LPL: variants seen among roughly 807,000 people sequenced by gnomAD.
LPL encodes the protein lipoprotein lipase.
In LPL, 43 loss-of-function variants were observed where a neutral mutation model predicts 52.2. The ratio of observed to expected loss-of-function variants is 0.82; its 90% CI spans 0.64 to 1.06. LPL has a LOEUF of 1.06. LPL is among the 50% of genes least tolerant of loss of function. The pLI is 0.00. For missense variants in LPL, 639 were observed against 585.3 expected (o/e 1.09, Z -0.95); for synonymous variants, 244 against 215.6 (o/e 1.13, Z -1.15).
intron 4 of LPL, 108 bp from the exon 5 acceptor site, chr8:19,954,012 A>C (rs923203060): frequency 6.8e-5 from 54 of 798,350 alleles, no homozygotes; most frequent in Non-Finnish European, 1.0e-4. Context: ...ATAGGAGCTA[A>C]TAAGAATCTA....
Position 19,939,423 on chromosome 8 carries a change from AG to A in LPL, c.-17del. On this transcript the variant is annotated 5_prime_UTR_variant, in exon 1 of 10. Transcript: ENST00000650287. The surrounding 1 kb of genome is among the most constrained non-coding windows in gnomAD (Gnocchi z 4.0). The stretch of plus-strand genomic sequence containing the variant: ...TCGGTCCGCGCCTTGCAGCTCCTCC[AG>A]AGGGACGCGCCCCGAGATGGAGAGC... The A allele has an allele frequency of 6.3e-7, 1 of 1,599,776 alleles. No homozygotes were observed. The highest frequency in any genetic ancestry group is 1.3e-5 in the African/African-American group (1 of 74,840).
In LPL at chr8:19,954,164, A is replaced by T. The variant is rs1171454451; in HGVS notation, c.586A>T (p.Ser196Cys). The T allele has an allele frequency of 1.2e-6, 2 of 1,614,074 alleles. No homozygotes were observed. Among genetic ancestry groups the T allele is most frequent in the Non-Finnish European group, 1.7e-6 (2 of 1,180,046 alleles). Residue 196 changes from serine (S) to cysteine (C), a missense_variant, in exon 5 of 10, where the codon AGT becomes TGT. By Grantham distance (112) the Ser-to-Cys change is moderately radical. Coordinates refer to ENST00000650287, the MANE Select transcript of LPL (RefSeq NM_000237.3). ...GPNFEYAEAP[S>C]RLSPDDADFV... ...TAACTTTGAGTATGCAGAAGCCCCG[A>T]GTCGTCTTTCTCCTGATGATGCAGA...
intron 1 of LPL, among the ~76,000 whole-genome samples, chr8:19,940,529 A>T (rs966917357): frequency 6.6e-6 from 1 of 152,242 alleles, no homozygotes; most frequent in African/African-American, 2.4e-5. Flanking sequence ...CCTGTCCGCA[A>T]TGGAGGCAGC....
rs1385969104 is a variant in LPL at position 19,944,513 on chromosome 8, T to C, written c.89-3667T>C. ...AACAGAAATTCCAAAGAGAATTGCA[T>C]TCTCATTGAGTTCTTGTACCTCATG... On this transcript the variant is annotated intron_variant, in intron 1 of 9. Transcript: ENST00000650287. The surrounding 1 kb of genome is among the most constrained non-coding windows in gnomAD (Gnocchi z 4.2). Among the ~76,000 whole-genome samples, 2 of 152,020 alleles carry C rather than the reference T, an allele frequency of 1.3e-5. No homozygotes were observed. The highest frequency in any genetic ancestry group is 2.4e-5 in the African/African-American group (1 of 41,402).
chr8:19,957,707 GT>G (rs1384439266), intron 6 of LPL, among the ~76,000 whole-genome samples: 1 of 152,124 alleles, frequency 6.6e-6, no homozygotes, highest in Non-Finnish European at 1.5e-5. Flanking sequence ...TTGTTCTTCT[GT>G]TTTTGCTTAG....
At position 19,959,376 on chromosome 8, in the gene LPL, A is replaced by G. The variant is rs300; in HGVS notation, c.1135A>G (p.Thr379Ala). 5.9e-4 allele frequency: 952 copies of G among 1,613,878 alleles called. 4 individuals carry two copies. The African/African-American group carries it at 0.011, about 19-fold the overall frequency. Residue 379 changes from threonine (T) to alanine (A), a missense_variant, in exon 7 of 10, where the codon ACT (threonine) becomes GCT (alanine). Thr to Ala is a moderately conservative substitution (Grantham distance 58). Coordinates refer to ENST00000650287, the MANE Select transcript of LPL (RefSeq NM_000237.3). ...GGCCGAGAGTGAGAACATCCCATTC[A>G]CTCTGTGAGTAGCACAGGGGGGCGG... is the stretch of plus-strand genomic sequence containing the variant. ...TVAESENIPF[T>A]LPEVSTNKTY...
At position 19,965,478 on chromosome 8, in the gene LPL, C is replaced by T. The variant is rs556538224; in HGVS notation, c.*168C>T. 40 of 599,244 alleles carry T rather than the reference C, an allele frequency of 6.7e-5. 1 individual carries two copies. The South Asian group carries it at 8.5e-4, about 13-fold the overall frequency. The allele number at this position is 599,244 out of a possible 1,614,324, so 37.1% of individuals were successfully genotyped here. On this transcript the variant is annotated 3_prime_UTR_variant, in exon 10 of 10. Coordinates refer to ENST00000650287, the MANE Select transcript of LPL (RefSeq NM_000237.3). ...TGTTAGTTATTTTAGGAGACAGTCT[C>T]AAGCACTAAAAAGTGGCTAATTCAA...
At chr8:19,959,742 A>G (rs1049192088) in intron 7 of LPL, among the ~76,000 whole-genome samples, 2 of 149,784 alleles carry the variant, frequency 1.3e-5, no homozygotes, top group African/African-American at 2.5e-5. Flanking sequence ...TACAGAAAAT[A>G]TAAGTAGTAA....
chr8:19,943,212 T>C (rs1275187139), intron 1 of LPL, among the ~76,000 whole-genome samples: 2 of 152,178 alleles, frequency 1.3e-5, no homozygotes, highest in Admixed American at 6.5e-5. Context: ...TTGGATTAAT[T>C]TGAGTGTAGT....
chr8:19,954,022 A>G, intron 4 of LPL, 98 bp from the exon 5 acceptor site: 1 of 847,220 alleles, frequency 1.2e-6, no homozygotes, highest in Admixed American at 1.8e-5. Context: ...ATAAGAATCT[A>G]AATAGCTGCC....
chr8:19,949,613 G>C (rs1400197231), intron 2 of LPL, among the ~76,000 whole-genome samples: 1 of 152,194 alleles, frequency 6.6e-6, no homozygotes, highest in African/African-American at 2.4e-5. Flanking sequence ...CTCCCGAGTA[G>C]CTGGGACTAC....
intron 4 of LPL, among the ~76,000 whole-genome samples, chr8:19,953,786 C>T (rs142160620): frequency 3.7e-4 from 57 of 152,190 alleles, no homozygotes; most frequent in Admixed American, 3.0e-3. Flanking sequence ...GAAAGAAGAC[C>T]GTCATCTAGG....
rs1014159841 is a variant in LPL at position 19,955,518 on chromosome 8, A to G, written c.776-323A>G. ...CACCTAGAAGTGTTAGACACTTTCAATGTAAGAGAAGGATGAGATAAACAA... is the reference window on the plus strand; with the variant it reads ...CACCTAGAAGTGTTAGACACTTTCAGTGTAAGAGAAGGATGAGATAAACAA... On this transcript the variant is annotated intron_variant, in intron 5 of 9. Coordinates refer to ENST00000650287, the MANE Select transcript of LPL (RefSeq NM_000237.3). Among the ~76,000 whole-genome samples, 4 of 152,332 alleles carry G rather than the reference A, an allele frequency of 2.6e-5. 1 individual carries two copies. The highest frequency in any genetic ancestry group is 2.4e-5 in the African/African-American group (1 of 41,574).
rs778862660 is a variant in LPL, at chr8:19,966,255, G to C, written c.*945G>C. The C allele has an allele frequency of 1.3e-5, 2 of 152,142 alleles. No individual in the cohort carries two copies. Among genetic ancestry groups the C allele is most frequent in the East Asian group, 3.9e-4 (2 of 5,192 alleles). 9.4% of individuals were successfully genotyped at this position (152,142 alleles called of 1,614,324 possible). On this transcript the variant is annotated 3_prime_UTR_variant, in exon 10 of 10. Transcript: ENST00000650287. ...TGGTCATGCTTCAGTTGTACTTCCA[G>C]TGCGTCTCTTTTGTTCCTGGCTTTG... is the stretch of plus-strand genomic sequence containing the variant.
rs1471596910 is a variant in LPL, at chr8:19,965,651, C to A, written c.*341C>A. The A allele has an allele frequency of 7.7e-6, 2 of 258,662 alleles. No individual in the cohort carries two copies. Among genetic ancestry groups the A allele is most frequent in the East Asian group, 7.5e-5 (1 of 13,360 alleles). The allele number at this position is 258,662 out of a possible 1,614,324, so 16.0% of individuals were successfully genotyped here. On this transcript the variant is annotated 3_prime_UTR_variant, in exon 10 of 10. Transcript: ENST00000650287. ...CTTCATGTGGCGTATTGGGCCATAG[C>A]CTATAATTGGTTAGAACCTCCTATT...
Position 19,950,881 on chromosome 8 carries a change from GGAAGGAAGGAAGGAAT to G in LPL, c.250-872_250-857del, listed in dbSNP as rs1202228176. ...AAGGAGGAAGGGAAGGAGGGAGGGAGGAAGGAAGGAAGGAATGAAGGAAGGAAGGAAGGAATGAAGG... is the reference window on the plus strand; with the variant it reads ...AAGGAGGAAGGGAAGGAGGGAGGGAGGAAGGAAGGAAGGAAGGAATGAAGG... On this transcript the variant is annotated intron_variant, in intron 2 of 9. Coordinates refer to ENST00000650287, the MANE Select transcript of LPL (RefSeq NM_000237.3). This position sits in a 1 kb window ranked among gnomAD's most constrained non-coding sequence, Gnocchi z 4.2. 3.3e-4 allele frequency among the ~76,000 whole-genome samples: 49 copies of G among 148,086 alleles called. No individual in the cohort carries two copies. Among genetic ancestry groups the G allele is most frequent in the African/African-American group, 8.4e-4 (34 of 40,380 alleles).
chr8:19,964,196 C>A (rs2070065802), intron 9 of LPL, among the ~76,000 whole-genome samples: 1 of 152,168 alleles, frequency 6.6e-6, no homozygotes, highest in Non-Finnish European at 1.5e-5. Context: ...AGGTTATCCA[C>A]CTGCCTCGGC....
intron 3 of LPL, among the ~76,000 whole-genome samples, chr8:19,952,210 T>C (rs573667530): frequency 1.3e-5 from 2 of 152,278 alleles, no homozygotes; most frequent in African/African-American, 2.4e-5. Flanking sequence ...AATAACTAAG[T>C]GGGCCCAACA....
chr8:19,947,334 ATCTCTAC>A, intron 1 of LPL, among the ~76,000 whole-genome samples: 1 of 152,122 alleles, frequency 6.6e-6, no homozygotes, highest in African/African-American at 2.4e-5. Flanking sequence ...GTGAAACCTC[ATCTCTAC>A]TAAAAATCCA....
Sources: gnomAD v4.1 joint callset for allele counts (sites outside exome capture counted in the v4.1 genomes callset) on GRCh38, gnomAD v4.1.1 for gene constraint, Gnocchi (gnomAD v3.1) non-coding constraint, MANE v1.5 for transcripts, NCBI Gene and HGNC (gene_info 2026-07-23, HGNC 2026-07-21) for gene names.